Variants in KLHL2 observed in about 807,000 individuals in gnomAD.
KLHL2 encodes kelch-like protein 2.
In KLHL2, 15 loss-of-function variants were observed where a neutral mutation model predicts 75.8. The ratio of observed to expected loss-of-function variants is 0.20; its 90% CI spans 0.13 to 0.30. The LOEUF (loss-of-function observed/expected upper bound fraction) is 0.30. Among genes scored for constraint, KLHL2 ranks in the 10% least tolerant of loss-of-function variants. The probability of loss-of-function intolerance (pLI) is 1.00; values close to 1 mark genes in which losing one functional copy is unlikely to be tolerated. For synonymous variants in KLHL2, 214 were observed against 251.9 expected, an observed-to-expected ratio of 0.85 and a Z score of 1.42; for missense variants, 381 against 741.0, an observed-to-expected ratio of 0.51 and a Z score of 5.64.
intron 5 of KLHL2, among the ~76,000 whole-genome samples, chr4:165,268,885 C>G (rs1742458555): frequency 6.6e-6 from 1 of 152,130 alleles, no homozygotes; most frequent in Non-Finnish European, 1.5e-5. Flanking sequence ...AACCTTCTGT[C>G]TCGTTGATCT....
chr4:165,305,789 C>T (rs1162201848), intron 9 of KLHL2, 64 bp downstream of exon 9: 2 of 1,078,562 alleles, frequency 1.9e-6, no homozygotes, highest in African/African-American at 3.2e-5. Context: ...TTTTTCAGGT[C>T]TTATTTTATT....
intron 5 of KLHL2, among the ~76,000 whole-genome samples, chr4:165,281,645 A>G (rs1241099086): frequency 6.2e-4 from 95 of 152,260 alleles, no homozygotes; most frequent in Non-Finnish European, 2.8e-4. Flanking sequence ...GGTATGGCAA[A>G]TTCTAGGGAC....
intron 8 of KLHL2, among the ~76,000 whole-genome samples, chr4:165,305,032 A>T (rs1260710297): frequency 6.6e-6 from 1 of 152,132 alleles, no homozygotes; most frequent in Non-Finnish European, 1.5e-5. Context: ...ATGTCCTGTT[A>T]GGTTGTTTTA....
At chr4:165,306,773 G>A (rs748204605) in intron 9 of KLHL2, among the ~76,000 whole-genome samples, 2 of 152,154 alleles carry the variant, frequency 1.3e-5, no homozygotes, top group African/African-American at 2.4e-5. Flanking sequence ...ATACAGTTAT[G>A]TTAAGGAAAG....
At chr4:165,251,239 G>T (rs1740677642) in intron 4 of KLHL2, among the ~76,000 whole-genome samples, 1 of 151,538 alleles carries the variant, frequency 6.6e-6, no homozygotes, top group African/African-American at 2.4e-5. Context: ...TGACATTCTA[G>T]CACCCAGAAA....
At chr4:165,264,704 G>GTA (rs1491114614) in intron 5 of KLHL2, among the ~76,000 whole-genome samples, 8 of 82,838 alleles carry the variant, frequency 9.7e-5, no homozygotes, top group South Asian at 4.5e-4. Context: ...GTGTGTGTGT[G>GTA]TATATATATA....
At chr4:165,247,218 A>G (rs1203158022) in intron 4 of KLHL2, among the ~76,000 whole-genome samples, 3 of 152,150 alleles carry the variant, frequency 2.0e-5, no homozygotes, top group African/African-American at 7.2e-5. Context: ...TCCAGTGTGG[A>G]TGATAAATTA....
chr4:165,289,737 TCAC>T (rs1343280985), intron 5 of KLHL2, among the ~76,000 whole-genome samples: 1 of 152,182 alleles, frequency 6.6e-6, no homozygotes, highest in Non-Finnish European at 1.5e-5. Flanking sequence ...TTTTAAAAAA[TCAC>T]CACCAAGTTG....
chr4:165,267,139 T>C (rs1164555093), intron 5 of KLHL2, among the ~76,000 whole-genome samples: 3 of 152,216 alleles, frequency 2.0e-5, no homozygotes, highest in African/African-American at 7.2e-5. Flanking sequence ...ATAGGAATGC[T>C]TGTGATTTTT....
At position 165,310,667 on chromosome 4, in the gene KLHL2, A is replaced by T. The variant is rs1746090091; in HGVS notation, c.1154A>T (p.Asn385Ile). ...AAGGACCAGTGGACCAGCGTTGCTA[A>T]CATGAGAGACCGGAGAAGCACTTTG... The part of the protein sequence containing the change: ...PVKDQWTSVA[N>I]MRDRRSTLGA... The change falls in exon 10 of 15, where the codon AAC becomes ATC. Residue 385 changes from asparagine to isoleucine, a missense_variant. This residue lies in a region of KLHL2 where 168 missense variants were observed against 370.4 expected (regional missense o/e 0.45). Coordinates refer to ENST00000226725, the MANE Select transcript of KLHL2 (RefSeq NM_007246.4). 1 of 1,614,022 alleles carries T rather than the reference A, an allele frequency of 6.2e-7. No individual in the cohort carries two copies. The highest frequency in any genetic ancestry group is 1.1e-5 in the South Asian group (1 of 91,088).
At chr4:165,208,620 A>C (rs984960462) in intron 1 of KLHL2, 8 of 152,230 alleles carry the variant, frequency 5.3e-5, no homozygotes, top group African/African-American at 1.9e-4. Context: ...ATTATGTAGA[A>C]GACATTATTG....
At chr4:165,242,990 C>CTT (rs781433730) in intron 4 of KLHL2, among the ~76,000 whole-genome samples, 2 of 152,122 alleles carry the variant, frequency 1.3e-5, no homozygotes, top group African/African-American at 2.4e-5. Flanking sequence ...AAGAAATAGG[C>CTT]TTAAGAAGGT....
At chr4:165,303,283 T>G (rs1258943458) in intron 8 of KLHL2, among the ~76,000 whole-genome samples, 4 of 152,208 alleles carry the variant, frequency 2.6e-5, no homozygotes, top group African/African-American at 9.6e-5. Flanking sequence ...ATTCAAACTT[T>G]GAGGATTATG....
At chr4:165,246,228 A>G (rs978139049) in intron 4 of KLHL2, among the ~76,000 whole-genome samples, 6 of 152,222 alleles carry the variant, frequency 3.9e-5, no homozygotes, top group African/African-American at 1.4e-4. Flanking sequence ...TTTATGGGCC[A>G]GAAAGAAAAG....
chr4:165,278,111 C>T, intron 5 of KLHL2: 1 of 1,556,910 alleles, frequency 6.4e-7, no homozygotes, highest in South Asian at 1.1e-5. Context: ...TGTAACCCAA[C>T]CCATTGACTT....
chr4:165,310,253 A>C (rs539261168), intron 9 of KLHL2, among the ~76,000 whole-genome samples: 17 of 152,298 alleles, frequency 1.1e-4, no homozygotes, highest in African/African-American at 4.1e-4. Context: ...TGAACACGGG[A>C]GGCTGAGCTT....
chr4:165,237,738 G>A (rs1190188693), intron 3 of KLHL2, among the ~76,000 whole-genome samples: 2 of 152,188 alleles, frequency 1.3e-5, no homozygotes, highest in South Asian at 2.1e-4. Flanking sequence ...ATAGTGGCAC[G>A]TTCTCATGCT....
intron 5 of KLHL2, among the ~76,000 whole-genome samples, chr4:165,286,853 A>G (rs1169817921): frequency 1.3e-5 from 2 of 152,240 alleles, no homozygotes; most frequent in Non-Finnish European, 2.9e-5. Context: ...AGACAGTGAC[A>G]TGCATTGACT....
chr4:165,311,440 G>A, intron 10 of KLHL2, 24 bp from the exon 11 acceptor site: 1 of 1,506,990 alleles, frequency 6.6e-7, no homozygotes, highest in South Asian at 1.2e-5. Context: ...AGAAGGAAAT[G>A]AAGACTATTG....
Sources: allele counts gnomAD v4.1 joint callset (sites outside exome capture counted in the v4.1 genomes callset), GRCh38; gene constraint gnomAD v4.1.1; regional missense constraint gnomAD v4.1.1; transcripts MANE v1.5; gene names NCBI Gene and HGNC (gene_info 2026-07-23, HGNC 2026-07-21).